RIMBP2: variants seen among roughly 807,000 people sequenced by gnomAD.
The protein encoded by RIMBP2 is RIMS-binding protein 2.
A neutral mutation model predicts 118.6 loss-of-function variants in RIMBP2; 48 were observed. That is an observed-to-expected ratio of 0.40 (90% confidence interval 0.32 to 0.51). RIMBP2 has a LOEUF of 0.51. RIMBP2 is among the 20% of genes least tolerant of loss of function. The pLI is 0.41. For missense variants in RIMBP2, 1,551 were observed against 1,768.3 expected (o/e 0.88, Z 2.20); for synonymous variants, 762 against 742.9 (o/e 1.03, Z -0.42).
intron 2 of RIMBP2, among the ~76,000 whole-genome samples, chr12:130,553,843 C>T (rs529633407): frequency 1.0e-3 from 156 of 152,270 alleles, no homozygotes; most frequent in African/African-American, 3.4e-3. Context: ...TCCCCAAACT[C>T]TACATAAAGA....
chr12:130,582,466 G>A (rs994357954), intron 2 of RIMBP2, among the ~76,000 whole-genome samples: 5 of 152,150 alleles, frequency 3.3e-5, no homozygotes, highest in East Asian at 1.9e-4. Context: ...TGCCACGCCC[G>A]CCCACCTGCA....
At chr12:130,612,860 T>C (rs2398524) in intron 2 of RIMBP2, among the ~76,000 whole-genome samples, 51,335 of 151,808 alleles carry the variant, frequency 0.34, 9,990 homozygotes, top group South Asian at 0.47. Flanking sequence ...TCACTTGCAA[T>C]AGAGAGAGTC....
At chr12:130,685,724 C>T (rs1566456006) in intron 1 of RIMBP2, among the ~76,000 whole-genome samples, 1 of 152,182 alleles carries the variant, frequency 6.6e-6, no homozygotes. Context: ...GCAGATCACT[C>T]CAAACAGCCC....
In RIMBP2 at chr12:130,523,223, C is replaced by T. The variant is rs1039792829; in HGVS notation, c.-216-5306G>A. On this transcript the variant is annotated intron_variant, in intron 2 of 22. Coordinates refer to ENST00000690449, the MANE Select transcript of RIMBP2 (RefSeq NM_001393629.1). This position sits in a 1 kb window ranked among gnomAD's most constrained non-coding sequence, Gnocchi z 4.4. ...TGTGTTGGGGGGGGTTTCTCTGCCT[C>T]CATCTCTCTCTGTCCCCTACCCACT... 1.3e-5 allele frequency among the ~76,000 whole-genome samples: 2 copies of T among 152,144 alleles called. No homozygotes were observed. The highest frequency in any genetic ancestry group is 4.8e-5 in the African/African-American group (2 of 41,422).
chr12:130,477,648 TAG>T (rs985942286), intron 5 of RIMBP2, among the ~76,000 whole-genome samples: 2 of 152,212 alleles, frequency 1.3e-5, no homozygotes, highest in African/African-American at 4.8e-5. Context: ...GCTAAATGCT[TAG>T]AGAAATGGCA....
intron 2 of RIMBP2, among the ~76,000 whole-genome samples, chr12:130,552,912 G>T (rs906750706): frequency 6.6e-6 from 1 of 152,220 alleles, no homozygotes; most frequent in South Asian, 2.1e-4. Context: ...CAGCACTTGG[G>T]GAGGCCGAGG....
chr12:130,694,977 G>A (rs1028989074), intron 1 of RIMBP2, among the ~76,000 whole-genome samples: 1 of 152,138 alleles, frequency 6.6e-6, no homozygotes, highest in Admixed American at 6.5e-5. Flanking sequence ...GAGGATAAGC[G>A]AGATCCCACA....
intron 22 of RIMBP2, chr12:130,399,175 G>A (rs769888616): frequency 1.5e-6 from 2 of 1,351,660 alleles, no homozygotes; most frequent in South Asian, 4.7e-5. Flanking sequence ...TTTCCAAGCA[G>A]ATGAGCAAAG....
At chr12:130,596,716 C>T (rs1372093790) in intron 2 of RIMBP2, among the ~76,000 whole-genome samples, 1 of 152,166 alleles carries the variant, frequency 6.6e-6, no homozygotes. Context: ...TTTTAAGAGC[C>T]CCTAACAGCC....
chr12:130,460,785 G>A (rs2079911011), intron 6 of RIMBP2, among the ~76,000 whole-genome samples: 1 of 152,124 alleles, frequency 6.6e-6, no homozygotes, highest in South Asian at 2.1e-4. Context: ...TGGCGCCGGG[G>A]ACATCCACCG....
At chr12:130,643,386 G>A (rs538201911) in intron 1 of RIMBP2, among the ~76,000 whole-genome samples, 17 of 152,310 alleles carry the variant, frequency 1.1e-4, no homozygotes, top group African/African-American at 4.1e-4. Context: ...GCAGGAAGGC[G>A]GAGCCCAAAC....
At chr12:130,509,733 C>CCCCCCT (rs1261016484) in intron 3 of RIMBP2, among the ~76,000 whole-genome samples, 1 of 150,880 alleles carries the variant, frequency 6.6e-6, no homozygotes, top group African/African-American at 2.4e-5. Flanking sequence ...TCTGCCCCCC[C>CCCCCCT]GCCCCGGCAA....
chr12:130,700,651 C>T (rs1423843421), intron 1 of RIMBP2, among the ~76,000 whole-genome samples: 1 of 152,192 alleles, frequency 6.6e-6, no homozygotes, highest in African/African-American at 2.4e-5. Context: ...AGGAAAGATC[C>T]CACCCTGGAG....
At chr12:130,602,446 G>A (rs187601716) in intron 2 of RIMBP2, among the ~76,000 whole-genome samples, 1 of 152,188 alleles carries the variant, frequency 6.6e-6, no homozygotes, top group Non-Finnish European at 1.5e-5. Context: ...CCGCCCATTT[G>A]GGGGAGGTTT....
At chr12:130,646,377 C>CTCCACCTG in intron 1 of RIMBP2, among the ~76,000 whole-genome samples, 1 of 100,834 alleles carries the variant, frequency 9.9e-6, no homozygotes, top group Admixed American at 9.6e-5. Flanking sequence ...CTCACCACCT[C>CTCCACCTG]CCTCACCACC....
At chr12:130,532,439 G>C (rs2053534831) in intron 2 of RIMBP2, among the ~76,000 whole-genome samples, 1 of 151,130 alleles carries the variant, frequency 6.6e-6, no homozygotes, top group South Asian at 2.1e-4. Context: ...TCAGCCTCTA[G>C]GAGGGACGTC....
intron 2 of RIMBP2, among the ~76,000 whole-genome samples, chr12:130,573,435 TGTGCGTGG>T: frequency 6.6e-6 from 1 of 151,806 alleles, no homozygotes; most frequent in East Asian, 1.9e-4. Flanking sequence ...TGCGTGGGTG[TGTGCGTGG>T]GTGCGTGCGT....
chr12:130,508,885 T>C lies in RIMBP2; in HGVS notation c.-126-2115A>G, dbSNP rs184267622. Among the ~76,000 whole-genome samples, 127 of 152,290 alleles carry C rather than the reference T, an allele frequency of 8.3e-4. 1 individual carries two copies. The highest frequency in any genetic ancestry group is 2.7e-3 in the African/African-American group (111 of 41,584). On this transcript the variant is annotated intron_variant, in intron 3 of 22. Transcript: ENST00000690449. ...GTGGCCCTGGCTCCTGGGTGGACTA[T>C]TGCTGTCAGCCCTCCCAGACACAGG...
intron 2 of RIMBP2, among the ~76,000 whole-genome samples, chr12:130,540,907 TG>T (rs944758108): frequency 6.6e-6 from 1 of 152,082 alleles, no homozygotes; most frequent in African/African-American, 2.4e-5. Context: ...GGGTTTCATG[TG>T]GGGGTGAGAG....
Sources: allele counts gnomAD v4.1 joint callset (sites outside exome capture counted in the v4.1 genomes callset), GRCh38; gene constraint gnomAD v4.1.1; non-coding constraint Gnocchi (gnomAD v3.1); transcripts MANE v1.5; gene names NCBI Gene and HGNC (gene_info 2026-07-23, HGNC 2026-07-21).